MAGI2: variants seen among roughly 807,000 people sequenced by gnomAD.
The protein encoded by MAGI2 is membrane associated guanylate kinase, WW and PDZ domain containing 2, also known as membrane-associated guanylate kinase, WW and PDZ domain-containing protein 2.
A neutral mutation model predicts 133.3 loss-of-function variants in MAGI2; 35 were observed. The observed-to-expected ratio is 0.26, with a 90% CI of 0.20 to 0.35. The LOEUF is 0.35. MAGI2 is among the 10% of genes least tolerant of loss of function. The pLI is 1.00. For synonymous variants in MAGI2, 729 were observed against 710.6 expected (o/e 1.03, Z -0.41); for missense variants, 1,636 against 1,863.4 (o/e 0.88, Z 2.25).
At chr7:78,650,988 C>T (rs1482950849) in intron 2 of MAGI2, among the ~76,000 whole-genome samples, 1 of 152,110 alleles carries the variant, frequency 6.6e-6, no homozygotes, top group Non-Finnish European at 1.5e-5. Flanking sequence ...TTGAGGCGTT[C>T]TTGTGAGTAG....
chr7:79,179,445 CA>C (rs1268804206), intron 1 of MAGI2, among the ~76,000 whole-genome samples: 6 of 151,900 alleles, frequency 3.9e-5, no homozygotes, highest in African/African-American at 1.5e-4. Context: ...CATGTGGAAT[CA>C]AGAAAGAATC....
At chr7:78,556,091 A>G (rs1457804332) in intron 3 of MAGI2, among the ~76,000 whole-genome samples, 2 of 152,180 alleles carry the variant, frequency 1.3e-5, no homozygotes, top group African/African-American at 4.8e-5. Context: ...TTTGCTTACC[A>G]GTTTATATTT....
At chr7:78,836,960 A>G (rs1377318459) in intron 2 of MAGI2, among the ~76,000 whole-genome samples, 1 of 152,208 alleles carries the variant, frequency 6.6e-6, no homozygotes, top group Non-Finnish European at 1.5e-5. Context: ...TTATTCATGC[A>G]GGTAATAATA....
chr7:78,654,791 A>C lies in MAGI2; in HGVS notation c.419-27552T>G, dbSNP rs1038701694. On this transcript the variant is annotated intron_variant, in intron 2 of 21. Coordinates refer to ENST00000354212, the MANE Select transcript of MAGI2 (RefSeq NM_012301.4). ...GCAACTGGAACGAGGTTACAAATTG[A>C]GATTTTAATAACATTTGTATTTATT... 4.0e-5 allele frequency among the ~76,000 whole-genome samples: 6 copies of C among 148,678 alleles called. No homozygotes were observed. In the Middle Eastern group the frequency reaches 0.018, roughly 442 times the overall value.
chr7:79,134,482 G>A (rs186354503), intron 1 of MAGI2, among the ~76,000 whole-genome samples: 1 of 152,036 alleles, frequency 6.6e-6, no homozygotes, highest in Non-Finnish European at 1.5e-5. Context: ...TCAGGAGGTT[G>A]GTATAATGTA....
intron 1 of MAGI2, among the ~76,000 whole-genome samples, chr7:79,070,841 G>A (rs868694165): frequency 1.4e-4 from 21 of 152,182 alleles, no homozygotes; most frequent in Middle Eastern, 6.8e-3. Context: ...GTTAGCAATC[G>A]TCTAACCTTT....
At chr7:78,231,000 G>A (rs1789910088) in intron 10 of MAGI2, among the ~76,000 whole-genome samples, 1 of 152,172 alleles carries the variant, frequency 6.6e-6, no homozygotes, top group Non-Finnish European at 1.5e-5. Flanking sequence ...ACTAAATTAG[G>A]GGATTCTGTC....
intron 2 of MAGI2, among the ~76,000 whole-genome samples, chr7:78,997,997 T>C (rs1451128720): frequency 6.6e-6 from 1 of 152,188 alleles, no homozygotes; most frequent in African/African-American, 2.4e-5. Flanking sequence ...TTTTAAAAGC[T>C]TTGTATTTCT....
At chr7:78,655,026 A>G (rs1001693840) in intron 2 of MAGI2, among the ~76,000 whole-genome samples, 5 of 151,838 alleles carry the variant, frequency 3.3e-5, no homozygotes, top group African/African-American at 1.2e-4. Context: ...TTGAGGTGAT[A>G]GAAACCTCAT....
At chr7:78,130,311 C>T (rs1312234128) in intron 18 of MAGI2, among the ~76,000 whole-genome samples, 1 of 152,148 alleles carries the variant, frequency 6.6e-6, no homozygotes, top group South Asian at 2.1e-4. Flanking sequence ...AAAAATATCA[C>T]TCATTCTAAC....
At chr7:78,650,181 C>G (rs540877119) in intron 2 of MAGI2, among the ~76,000 whole-genome samples, 6 of 152,176 alleles carry the variant, frequency 3.9e-5, no homozygotes, top group African/African-American at 1.4e-4. Context: ...ACCGCAAGCA[C>G]TGATACTACA....
intron 3 of MAGI2, among the ~76,000 whole-genome samples, chr7:78,600,498 C>G (rs1805084526): frequency 6.6e-6 from 1 of 152,020 alleles, no homozygotes; most frequent in African/African-American, 2.4e-5. Context: ...TATAAATTAT[C>G]CTATGTGTTT....
chr7:78,573,076 T>TATATATATATATATATATATAC (rs1230373322), intron 3 of MAGI2, among the ~76,000 whole-genome samples: 1 of 52,582 alleles, frequency 1.9e-5, no homozygotes, highest in African/African-American at 9.3e-5. Flanking sequence ...TATATATATA[T>TATATATATATATATATATATAC]ACACACACAC....
chr7:78,193,115 T>C (rs1308656514), intron 12 of MAGI2, among the ~76,000 whole-genome samples: 2 of 152,156 alleles, frequency 1.3e-5, no homozygotes, highest in Non-Finnish European at 2.9e-5. Context: ...GAGCATCATG[T>C]ACAAGAAACT....
chr7:78,747,582 T>C (rs1823044400), intron 2 of MAGI2, among the ~76,000 whole-genome samples: 1 of 152,110 alleles, frequency 6.6e-6, no homozygotes, highest in South Asian at 2.1e-4. Context: ...TGGTAAAATA[T>C]CCTAATACTG....
At chr7:79,153,562 C>A (rs571772440) in intron 1 of MAGI2, among the ~76,000 whole-genome samples, 1 of 152,048 alleles carries the variant, frequency 6.6e-6, no homozygotes, top group Non-Finnish European at 1.5e-5. Flanking sequence ...AGAGTAACTA[C>A]GTGAAAATGA....
chr7:79,293,678 A>C (rs973119900), intron 1 of MAGI2, among the ~76,000 whole-genome samples: 2 of 152,220 alleles, frequency 1.3e-5, no homozygotes, highest in African/African-American at 2.4e-5. Flanking sequence ...TTTATGGTTT[A>C]GGAGGCAAGT....
At chr7:78,682,903 G>A (rs958848855) in intron 2 of MAGI2, among the ~76,000 whole-genome samples, 2 of 152,146 alleles carry the variant, frequency 1.3e-5, no homozygotes, top group Non-Finnish European at 2.9e-5. Flanking sequence ...TTTTCAAAAT[G>A]TAAAACTGTT....
intron 9 of MAGI2, among the ~76,000 whole-genome samples, chr7:78,299,034 C>T (rs1343654161): frequency 1.4e-5 from 2 of 147,514 alleles, no homozygotes; most frequent in East Asian, 4.0e-4. Context: ...TCAGGCTGGT[C>T]TTGAAACTCC....
Sources: gnomAD v4.1 joint callset for allele counts (sites outside exome capture counted in the v4.1 genomes callset) on GRCh38, gnomAD v4.1.1 for gene constraint, MANE v1.5 for transcripts, NCBI Gene and HGNC (gene_info 2026-07-23, HGNC 2026-07-21) for gene names.